Variants in ZFYVE9 observed in about 807,000 individuals in gnomAD.
The protein encoded by ZFYVE9 is zinc finger FYVE domain-containing protein 9.
A neutral mutation model predicts 126.7 loss-of-function variants in ZFYVE9; 43 were observed. The observed-to-expected ratio is 0.34, with a 90% confidence interval of 0.27 to 0.44. ZFYVE9 has a LOEUF of 0.44. Among genes scored for constraint, ZFYVE9 ranks in the 20% least tolerant of loss-of-function variants. The pLI, the probability that ZFYVE9 is intolerant of heterozygous loss-of-function variation, is 1.00. For missense variants in ZFYVE9, 1,476 were observed against 1,697.0 expected, an observed-to-expected ratio of 0.87 and a Z score of 2.29; for synonymous variants, 521 against 597.4, an observed-to-expected ratio of 0.87 and a Z score of 1.87.
chr1:52,227,463 G>A (rs1645180979), intron 2 of ZFYVE9, among the ~76,000 whole-genome samples: 2 of 152,206 alleles, frequency 1.3e-5, no homozygotes. Flanking sequence ...CAGCTGTGAT[G>A]TCACAGTCCA....
At chr1:52,339,756 C>G (rs373527204) in intron 16 of ZFYVE9, among the ~76,000 whole-genome samples, 13 of 152,108 alleles carry the variant, frequency 8.5e-5, no homozygotes, top group East Asian at 3.8e-4. Flanking sequence ...AGTATCATTA[C>G]AGAGTCAGGA....
chr1:52,285,436 C>G (rs1165550743), intron 10 of ZFYVE9, among the ~76,000 whole-genome samples: 1 of 152,186 alleles, frequency 6.6e-6, no homozygotes. Flanking sequence ...AAAGCTTCAT[C>G]TGTATTTACA....
Position 52,238,111 on chromosome 1 carries a change from A to C in ZFYVE9, c.694A>C (p.Thr232Pro), listed in dbSNP as rs377045271. The C allele has an allele frequency of 1.2e-6, 2 of 1,614,096 alleles. No homozygotes were observed. Among genetic ancestry groups the C allele is most frequent in the South Asian group, 1.1e-5 (1 of 91,078 alleles). ...GAGATCTGTTAACCATCTGTGTCCTACTTCATCTGATAGTCTAGCCAGTGT... is the reference window on the plus strand; with the variant it reads ...GAGATCTGTTAACCATCTGTGTCCTCCTTCATCTGATAGTCTAGCCAGTGT... ...EGRSVNHLCP[T>P]SSDSLASVCS... Residue 232 changes from threonine to proline, a missense_variant, in exon 4 of 19, where the codon ACT (threonine) becomes CCT (proline). Coordinates refer to ENST00000287727, the MANE Select transcript of ZFYVE9 (RefSeq NM_004799.4).
At chr1:52,206,341 G>A (rs1297661700) in intron 1 of ZFYVE9, among the ~76,000 whole-genome samples, 1 of 152,134 alleles carries the variant, frequency 6.6e-6, no homozygotes, top group African/African-American at 2.4e-5. Flanking sequence ...TGTGTGTATG[G>A]CGTGGTGGTA....
At chr1:52,265,359 G>T (rs1387930228) in intron 5 of ZFYVE9, among the ~76,000 whole-genome samples, 1 of 152,240 alleles carries the variant, frequency 6.6e-6, no homozygotes, top group South Asian at 2.1e-4. Flanking sequence ...CTTGCAGTTT[G>T]GAGGCAATAA....
intron 1 of ZFYVE9, among the ~76,000 whole-genome samples, chr1:52,176,006 A>G (rs1428000844): frequency 6.6e-6 from 1 of 152,210 alleles, no homozygotes; most frequent in African/African-American, 2.4e-5. Context: ...CGTCAAAGTC[A>G]TTCTCCATCC....
intron 1 of ZFYVE9, among the ~76,000 whole-genome samples, chr1:52,173,089 A>G (rs2124527348): frequency 6.6e-6 from 1 of 151,758 alleles, no homozygotes; most frequent in Non-Finnish European, 1.5e-5. Context: ...CAGTTTTCAA[A>G]GGGAATGCTT....
At position 52,211,098 on chromosome 1, in the gene ZFYVE9, A is replaced by G. The variant is rs138581879; in HGVS notation, c.-142-5271A>G. Among the ~76,000 whole-genome samples, 363 of 152,296 alleles carry G rather than the reference A, an allele frequency of 2.4e-3. 8 individuals are homozygous for G. The highest frequency in any genetic ancestry group is 8.6e-3 in the African/African-American group (356 of 41,564). ...GGGCTTTCCGTGTGGTTTCTCTGGC[A>G]TGGTTACTGGGTTCCAAGAGTGAGT... is the stretch of plus-strand genomic sequence containing the variant. On this transcript the variant is annotated intron_variant, in intron 1 of 18. Coordinates refer to ENST00000287727, the MANE Select transcript of ZFYVE9 (RefSeq NM_004799.4).
chr1:52,292,469 C>CTTTTTT (rs1159852399), intron 10 of ZFYVE9, among the ~76,000 whole-genome samples: 44 of 101,976 alleles, frequency 4.3e-4, no homozygotes, highest in African/African-American at 9.8e-4. Flanking sequence ...CTGAACATTT[C>CTTTTTT]TTTTTTTTTT....
At chr1:52,248,241 G>C (rs1176131922) in intron 4 of ZFYVE9, among the ~76,000 whole-genome samples, 1 of 152,142 alleles carries the variant, frequency 6.6e-6, no homozygotes, top group African/African-American at 2.4e-5. Context: ...CCCCCAGAAG[G>C]CTGCTAGTGC....
chr1:52,278,731 C>CTTT (rs377369353), intron 9 of ZFYVE9, 117 bp downstream of exon 9: 14 of 481,142 alleles, frequency 2.9e-5, no homozygotes, highest in Admixed American at 1.4e-4. Context: ...TTTTTTTTTT[C>CTTT]TTTTTTTTTT....
intron 8 of ZFYVE9, among the ~76,000 whole-genome samples, chr1:52,276,424 C>T (rs951792267): frequency 1.3e-5 from 2 of 152,104 alleles, no homozygotes; most frequent in African/African-American, 2.4e-5. Flanking sequence ...ATGCCAGTAC[C>T]GTTCCATTCT....
Position 52,142,189 on chromosome 1 carries a change from G to A in ZFYVE9, c.-357G>A, listed in dbSNP as rs1644263428. On this transcript the variant is annotated 5_prime_UTR_variant, in exon 1 of 19. Transcript: ENST00000287727. The surrounding 1 kb of genome is among the most constrained non-coding windows in gnomAD (Gnocchi z 4.5). ...GCCCGGCTCGGCGGCGCTCCTCCGG[G>A]ATCCGCGTGGCTGCCGCGGCCCGGG... 1 of 151,508 alleles carries A rather than the reference G, an allele frequency of 6.6e-6. No individual in the cohort carries two copies. The highest frequency in any genetic ancestry group is 2.4e-5 in the African/African-American group (1 of 41,380). 9.4% of individuals were successfully genotyped at this position (151,508 alleles called of 1,614,324 possible).
At chr1:52,240,883 A>T (rs1207151383) in intron 4 of ZFYVE9, among the ~76,000 whole-genome samples, 4 of 152,146 alleles carry the variant, frequency 2.6e-5, no homozygotes, top group Non-Finnish European at 5.9e-5. Flanking sequence ...ATCAATCATG[A>T]TTTATCTCCT....
intron 2 of ZFYVE9, among the ~76,000 whole-genome samples, chr1:52,229,992 T>C (rs927183078): frequency 6.6e-6 from 1 of 151,934 alleles, no homozygotes; most frequent in African/African-American, 2.4e-5. Context: ...CTCAGCTTCC[T>C]GAGTAGCTGG....
At position 52,346,057 on chromosome 1, in the gene ZFYVE9, T is replaced by C; in HGVS notation, c.4117-3T>C. The stretch of plus-strand genomic sequence containing the variant: ...CTCTCCTCCTTTTCTCTCTGTGGTA[T>C]AGGTTGGCTATCAAGCAGGGAGCAA... On this transcript the variant is annotated splice_polypyrimidine_tract_variant and splice_region_variant and intron_variant, in intron 18 of 18. Transcript: ENST00000287727. The C allele has an allele frequency of 6.3e-7, 1 of 1,594,244 alleles. No individual in the cohort carries two copies. The highest frequency in any genetic ancestry group is 1.7e-5 in the Admixed American group (1 of 57,602).
chr1:52,180,076 A>C, intron 1 of ZFYVE9: 1 of 855,368 alleles, frequency 1.2e-6, no homozygotes, highest in Non-Finnish European at 2.0e-6. Context: ...AGACTGGCTG[A>C]GTGGAAAGCA....
chr1:52,236,781 T>C (rs1645276805), intron 3 of ZFYVE9, among the ~76,000 whole-genome samples: 1 of 152,202 alleles, frequency 6.6e-6, no homozygotes, highest in Non-Finnish European at 1.5e-5. Flanking sequence ...TTTCACGTAC[T>C]GTGGCAAACT....
chr1:52,305,852 A>G (rs1211259377), intron 13 of ZFYVE9, among the ~76,000 whole-genome samples: 7 of 152,026 alleles, frequency 4.6e-5, no homozygotes. Flanking sequence ...ACCCACTCCA[A>G]TCTCAGAGCA....
Sources: allele counts gnomAD v4.1 joint callset (sites outside exome capture counted in the v4.1 genomes callset), GRCh38; gene constraint gnomAD v4.1.1; non-coding constraint Gnocchi (gnomAD v3.1); transcripts MANE v1.5; gene names NCBI Gene and HGNC (gene_info 2026-07-23, HGNC 2026-07-21).